DPY19L1: variants seen among roughly 807,000 people sequenced by gnomAD.
DPY19L1 encodes dpy-19 like C-mannosyltransferase 1, also known as protein C-mannosyl-transferase DPY19L1.
In DPY19L1, 35 loss-of-function variants were observed where a neutral mutation model predicts 96.9. The observed-to-expected ratio is 0.36, with a 90% CI of 0.28 to 0.48. The LOEUF (loss-of-function observed/expected upper bound fraction) is 0.48, where lower values mean the gene tolerates loss of function less well. DPY19L1 is among the 20% of genes least tolerant of loss of function. DPY19L1 has a pLI of 0.99. For synonymous variants in DPY19L1, 205 were observed against 252.6 expected, an observed-to-expected ratio of 0.81 and a Z score of 1.79; for missense variants, 521 against 777.9, an observed-to-expected ratio of 0.67 and a Z score of 3.93.
intron 21 of DPY19L1, 83 bp downstream of exon 21, chr7:34,937,911 C>A (rs946434721): frequency 1.4e-6 from 2 of 1,453,668 alleles, no homozygotes; most frequent in South Asian, 1.3e-5. Context: ...TACACACCCC[C>A]GCCACCAGCA....
intron 6 of DPY19L1, among the ~76,000 whole-genome samples, chr7:34,995,426 A>G (rs770574363): frequency 2.0e-5 from 3 of 152,176 alleles, no homozygotes; most frequent in Non-Finnish European, 4.4e-5. Context: ...TACCACATTT[A>G]CTCATACATC....
chr7:35,001,968 T>C (rs376845677), intron 6 of DPY19L1, among the ~76,000 whole-genome samples: 24 of 151,062 alleles, frequency 1.6e-4, no homozygotes, highest in African/African-American at 5.3e-4. Flanking sequence ...AACTAAAAAA[T>C]ACAAAAATTG....
chr7:35,028,360 A>C lies in DPY19L1; in HGVS notation c.298+8737T>G, dbSNP rs542133907. Among the ~76,000 whole-genome samples, 5 of 152,392 alleles carry C rather than the reference A, an allele frequency of 3.3e-5. No homozygotes were observed. In the East Asian group the frequency reaches 9.6e-4, roughly 29 times the overall value. The stretch of plus-strand genomic sequence containing the variant: ...TATATGAAAACAGGAGAGCATGGAA[A>C]GTATATATCACCATCCCAAAGCGGA... On this transcript the variant is annotated intron_variant, in intron 1 of 21. Transcript: ENST00000638088.
chr7:34,976,683 A>G (rs1584232133), intron 7 of DPY19L1, among the ~76,000 whole-genome samples: 1 of 152,248 alleles, frequency 6.6e-6, no homozygotes, highest in Non-Finnish European at 1.5e-5. Context: ...AGAAATTGCC[A>G]CAGCTATCCC....
chr7:34,957,195 C>G (rs1213636018), intron 11 of DPY19L1, among the ~76,000 whole-genome samples: 3 of 151,218 alleles, frequency 2.0e-5, no homozygotes, highest in African/African-American at 7.3e-5. Context: ...CCAGCCTGAC[C>G]AACATGGAGA....
At chr7:35,014,481 T>C (rs1785793815) in intron 3 of DPY19L1, among the ~76,000 whole-genome samples, 1 of 152,098 alleles carries the variant, frequency 6.6e-6, no homozygotes, top group Admixed American at 6.5e-5. Flanking sequence ...AAGATAAATC[T>C]ACGTCTTGTA....
At chr7:35,032,172 G>C (rs950139552) in intron 1 of DPY19L1, among the ~76,000 whole-genome samples, 2 of 152,144 alleles carry the variant, frequency 1.3e-5, no homozygotes, top group African/African-American at 4.8e-5. Flanking sequence ...CAAAATGTTA[G>C]GGTTTCTCAG....
At chr7:34,978,390 A>C (rs1194928926) in intron 7 of DPY19L1, among the ~76,000 whole-genome samples, 2 of 152,164 alleles carry the variant, frequency 1.3e-5, no homozygotes, top group Non-Finnish European at 1.5e-5. Flanking sequence ...TAATGCTTTA[A>C]ACACTATATT....
At chr7:34,959,925 T>TATATATA (rs1562806987) in intron 10 of DPY19L1, among the ~76,000 whole-genome samples, 1 of 127,950 alleles carries the variant, frequency 7.8e-6, no homozygotes, top group African/African-American at 2.8e-5. Context: ...ATATATATAT[T>TATATATA]TATATATATA....
intron 7 of DPY19L1, among the ~76,000 whole-genome samples, chr7:34,975,248 A>G (rs1185857669): frequency 1.3e-5 from 2 of 152,226 alleles, no homozygotes; most frequent in Non-Finnish European, 2.9e-5. Context: ...CCTAACAGTC[A>G]GAAATGCAAA....
At chr7:34,962,665 C>G (rs1332539100) in intron 10 of DPY19L1, among the ~76,000 whole-genome samples, 5 of 152,028 alleles carry the variant, frequency 3.3e-5, no homozygotes, top group Admixed American at 6.6e-5. Context: ...CCACTGAACT[C>G]CAGCCTGGGC....
chr7:34,999,218 G>A (rs1785367608), intron 6 of DPY19L1, among the ~76,000 whole-genome samples: 2 of 152,224 alleles, frequency 1.3e-5, no homozygotes, highest in African/African-American at 4.8e-5. Context: ...AGGTGCCAGA[G>A]GAAAACAACT....
intron 6 of DPY19L1, among the ~76,000 whole-genome samples, chr7:34,994,746 G>A (rs1281947075): frequency 6.6e-6 from 1 of 151,760 alleles, no homozygotes; most frequent in Non-Finnish European, 1.5e-5. Flanking sequence ...GGAGCTTGCA[G>A]TGAGCCAAGA....
intron 1 of DPY19L1, among the ~76,000 whole-genome samples, chr7:35,027,023 C>G (rs758662354): frequency 6.6e-6 from 1 of 152,030 alleles, no homozygotes; most frequent in Non-Finnish European, 1.5e-5. Context: ...GATGAAACCC[C>G]ATCTCTACTA....
chr7:35,017,887 C>CA lies in DPY19L1; in HGVS notation c.405dup (p.Glu136Ter). On this transcript the variant is annotated frameshift_variant, in exon 3 of 22. Coordinates refer to ENST00000638088, the MANE Select transcript of DPY19L1 (RefSeq NM_001366673.1). LOFTEE classifies it high-confidence loss of function. Reference sequence around the variant, plus strand: ...AATCCCAAATAAAAACTAACCATTTCAGTGCGAAAAGCCATCTCCCTTTCC... The same window carrying CA: ...AATCCCAAATAAAAACTAACCATTTCAAGTGCGAAAAGCCATCTCCCTTTCC... 6.3e-7 allele frequency: 1 copy of CA among 1,597,288 alleles called. No individual in the cohort carries two copies. The highest frequency in any genetic ancestry group is 8.5e-7 in the Non-Finnish European group (1 of 1,170,294).
intron 14 of DPY19L1, among the ~76,000 whole-genome samples, chr7:34,948,907 C>T (rs1003740734): frequency 1.3e-5 from 2 of 152,166 alleles, no homozygotes; most frequent in African/African-American, 2.4e-5. Context: ...TCCAAATGGC[C>T]GGTAGATAAA....
intron 6 of DPY19L1, among the ~76,000 whole-genome samples, chr7:34,995,713 A>G (rs1408677094): frequency 1.3e-5 from 2 of 152,194 alleles, no homozygotes; most frequent in Non-Finnish European, 2.9e-5. Context: ...ATTCAAAACT[A>G]TATTAAATAA....
chr7:35,019,881 T>C (rs1418014981), intron 1 of DPY19L1, among the ~76,000 whole-genome samples: 2 of 152,204 alleles, frequency 1.3e-5, no homozygotes, highest in South Asian at 2.1e-4. Context: ...TTAAAAACTT[T>C]ATCTGCCAGG....
intron 7 of DPY19L1, among the ~76,000 whole-genome samples, chr7:34,982,482 T>C (rs1266170844): frequency 6.6e-6 from 1 of 152,238 alleles, no homozygotes; most frequent in East Asian, 1.9e-4. Context: ...AAGTTTCAAT[T>C]TGTTCAAAAT....
Sources: allele counts gnomAD v4.1 joint callset (sites outside exome capture counted in the v4.1 genomes callset), GRCh38; gene constraint gnomAD v4.1.1; transcripts MANE v1.5; gene names NCBI Gene and HGNC (gene_info 2026-07-23, HGNC 2026-07-21).